Variants in LRP1B observed in about 807,000 individuals in gnomAD.
The protein encoded by LRP1B is low-density lipoprotein receptor-related protein 1B.
A neutral mutation model predicts 556.6 loss-of-function variants in LRP1B; 217 were observed. The observed-to-expected ratio is 0.39, with a 90% CI of 0.35 to 0.44. The LOEUF (loss-of-function observed/expected upper bound fraction) is 0.44. Ranked by LOEUF, LRP1B falls within the 20% of genes least tolerant of loss-of-function variation. The pLI is 1.00. For synonymous variants in LRP1B, 2,047 were observed against 1,865.8 expected (o/e 1.10, Z -2.50); for missense variants, 5,053 against 5,620.8 (o/e 0.90, Z 3.23).
chr2:140,893,224 C>T (rs753932051), intron 23 of LRP1B, among the ~76,000 whole-genome samples: 1 of 152,068 alleles, frequency 6.6e-6, no homozygotes, highest in Non-Finnish European at 1.5e-5. Context: ...AGAAAGGGTC[C>T]AACTACTTAA....
Position 141,512,010 on chromosome 2 carries a change from T to G in LRP1B, c.206-31477A>C, listed in dbSNP as rs558110671. Among the ~76,000 whole-genome samples the G allele has an allele frequency of 9.2e-5, 14 of 152,210 alleles. No homozygotes were observed. The South Asian group carries it at 2.9e-3, about 32-fold the overall frequency. ...TTAAACATTTTAGTTAACAAATACA[T>G]AGGTAAAATAATAATCACATACAGA... On this transcript the variant is annotated intron_variant, in intron 2 of 90. Transcript: ENST00000389484.
intron 35 of LRP1B, among the ~76,000 whole-genome samples, chr2:140,737,834 G>A (rs901016677): frequency 2.6e-5 from 4 of 152,178 alleles, no homozygotes; most frequent in Non-Finnish European, 4.4e-5. Context: ...ATGATTGTAG[G>A]CTTCCAGAGC....
At chr2:141,109,020 C>A (rs1700681942) in intron 7 of LRP1B, among the ~76,000 whole-genome samples, 1 of 152,174 alleles carries the variant, frequency 6.6e-6, no homozygotes, top group Admixed American at 6.5e-5. Flanking sequence ...AGATTTGCAA[C>A]TTCCACAATA....
At chr2:141,979,759 A>G (rs527450499) in intron 1 of LRP1B, among the ~76,000 whole-genome samples, 1 of 152,130 alleles carries the variant, frequency 6.6e-6, no homozygotes, top group African/African-American at 2.4e-5. Context: ...TATAGTTATT[A>G]GGATAATGCA....
chr2:140,715,609 T>C (rs1022715373), intron 37 of LRP1B, among the ~76,000 whole-genome samples: 1 of 152,070 alleles, frequency 6.6e-6, no homozygotes, highest in African/African-American at 2.4e-5. Context: ...GAATGAATAT[T>C]GAAATTTTAG....
intron 7 of LRP1B, among the ~76,000 whole-genome samples, chr2:141,102,687 T>G (rs540893836): frequency 6.6e-6 from 1 of 152,170 alleles, no homozygotes; most frequent in East Asian, 1.9e-4. Flanking sequence ...AAGGTACAAC[T>G]ATAACATAAA....
intron 1 of LRP1B, among the ~76,000 whole-genome samples, chr2:141,926,949 T>C (rs1345141811): frequency 6.6e-6 from 1 of 152,070 alleles, no homozygotes; most frequent in African/African-American, 2.4e-5. Flanking sequence ...TTCAGAATAA[T>C]GGTCAAATTT....
intron 7 of LRP1B, among the ~76,000 whole-genome samples, chr2:141,156,121 A>G (rs1702058987): frequency 6.6e-6 from 1 of 152,192 alleles, no homozygotes; most frequent in Non-Finnish European, 1.5e-5. Flanking sequence ...ATATCTCACC[A>G]GAACTAAAAC....
At chr2:140,366,758 GAGA>G (rs1439071807) in intron 71 of LRP1B, among the ~76,000 whole-genome samples, 1 of 151,830 alleles carries the variant, frequency 6.6e-6, no homozygotes, top group African/African-American at 2.4e-5. Context: ...GCTATTGAAT[GAGA>G]AGAAGAAGGA....
chr2:140,918,727 A>G (rs1694653075), intron 21 of LRP1B, among the ~76,000 whole-genome samples: 1 of 152,052 alleles, frequency 6.6e-6, no homozygotes, highest in African/African-American at 2.4e-5. Flanking sequence ...TGGTATTGGG[A>G]GGTTTGGGAG....
intron 11 of LRP1B, among the ~76,000 whole-genome samples, chr2:141,048,535 T>A (rs531371993): frequency 6.6e-6 from 1 of 152,214 alleles, no homozygotes; most frequent in East Asian, 1.9e-4. Context: ...CAGTGATGTG[T>A]AAAGTAAAAA....
chr2:141,925,770 C>G (rs1021100030), intron 1 of LRP1B, among the ~76,000 whole-genome samples: 31 of 152,138 alleles, frequency 2.0e-4, no homozygotes, highest in African/African-American at 7.5e-4. Context: ...CTCTGCTGGG[C>G]AAGGCAATCT....
intron 3 of LRP1B, among the ~76,000 whole-genome samples, chr2:141,263,225 A>T (rs772332732): frequency 6.6e-6 from 1 of 152,170 alleles, no homozygotes; most frequent in East Asian, 1.9e-4. Context: ...TTGAACTTGT[A>T]TCATGTGACC....
At chr2:142,098,143 G>T (rs1248171278) in intron 1 of LRP1B, among the ~76,000 whole-genome samples, 4 of 151,638 alleles carry the variant, frequency 2.6e-5, no homozygotes, top group Non-Finnish European at 1.5e-5. Context: ...CTACCACACA[G>T]CACCACACTA....
intron 23 of LRP1B, among the ~76,000 whole-genome samples, 157 bp from the exon 24 acceptor site, chr2:140,886,492 C>T (rs1023848923): frequency 6.6e-6 from 1 of 152,024 alleles, no homozygotes; most frequent in African/African-American, 2.4e-5. Context: ...CAGAAACTTG[C>T]AAAACTTAGG....
At chr2:140,315,289 T>G (rs1684472425) in intron 82 of LRP1B, among the ~76,000 whole-genome samples, 190 bp from the exon 83 acceptor site, 1 of 152,202 alleles carries the variant, frequency 6.6e-6, no homozygotes, top group Non-Finnish European at 1.5e-5. Flanking sequence ...ATGGTAAATA[T>G]ACATATTAAA....
intron 7 of LRP1B, among the ~76,000 whole-genome samples, chr2:141,105,812 T>G (rs970168547): frequency 6.6e-6 from 1 of 152,134 alleles, no homozygotes; most frequent in African/African-American, 2.4e-5. Flanking sequence ...TCAAAATGTA[T>G]TTTTTTGGTC....
At chr2:142,048,449 G>T (rs1027826624) in intron 1 of LRP1B, among the ~76,000 whole-genome samples, 1 of 152,020 alleles carries the variant, frequency 6.6e-6, no homozygotes, top group Non-Finnish European at 1.5e-5. Context: ...GCCATCAAAA[G>T]TTATTTTCTG....
At chr2:140,432,162 C>T (rs891878524) in intron 66 of LRP1B, among the ~76,000 whole-genome samples, 1 of 152,086 alleles carries the variant, frequency 6.6e-6, no homozygotes, top group Non-Finnish European at 1.5e-5. Context: ...TTCTCCTGGC[C>T]CATCCTGGCT....
Sources: gnomAD v4.1 joint callset for allele counts (sites outside exome capture counted in the v4.1 genomes callset) on GRCh38, gnomAD v4.1.1 for gene constraint, MANE v1.5 for transcripts, NCBI Gene and HGNC (gene_info 2026-07-23, HGNC 2026-07-21) for gene names.